STON2: variants seen among roughly 807,000 people sequenced by gnomAD.
STON2 encodes stonin-2.
Under a neutral mutation model 65.7 loss-of-function variants are expected in STON2, and 29 were observed. That is an observed-to-expected ratio of 0.44 (90% confidence interval 0.33 to 0.60). The LOEUF (loss-of-function observed/expected upper bound fraction) is 0.60, where lower values mean the gene tolerates loss of function less well. Among genes scored for constraint, STON2 ranks in the 20% least tolerant of loss-of-function variants. The pLI, the probability that STON2 is intolerant of heterozygous loss-of-function variation, is 0.03. For missense variants in STON2, 1,054 were observed against 1,118.1 expected (o/e 0.94, Z 0.82); for synonymous variants, 404 against 414.2 (o/e 0.98, Z 0.30).
intron 5 of STON2, among the ~76,000 whole-genome samples, chr14:81,315,049 T>C (rs895060041): frequency 2.0e-5 from 3 of 152,110 alleles, no homozygotes; most frequent in Non-Finnish European, 4.4e-5. Flanking sequence ...CTTTTCCTTC[T>C]CAGTAAACAA....
chr14:81,347,632 A>AC (rs1376061168), intron 4 of STON2, among the ~76,000 whole-genome samples: 2 of 150,074 alleles, frequency 1.3e-5, no homozygotes, highest in Non-Finnish European at 3.0e-5. Context: ...AAAAAAAAAA[A>AC]AAAAACCCTA....
At chr14:81,429,748 A>G (rs557437863) in intron 1 of STON2, among the ~76,000 whole-genome samples, 1 of 152,250 alleles carries the variant, frequency 6.6e-6, no homozygotes, top group East Asian at 1.9e-4. Context: ...AGCCTGGCCA[A>G]CATGGTGAAA....
At chr14:81,343,371 C>T (rs1368324720) in intron 4 of STON2, among the ~76,000 whole-genome samples, 1 of 152,142 alleles carries the variant, frequency 6.6e-6, no homozygotes, top group Non-Finnish European at 1.5e-5. Flanking sequence ...ACAAATCAGT[C>T]CTGGGGAGGG....
intron 7 of STON2, 66 bp downstream of exon 7, chr14:81,270,602 AAG>A (rs746898547): frequency 6.2e-7 from 1 of 1,613,840 alleles, no homozygotes; most frequent in Non-Finnish European, 8.5e-7. Context: ...TAAAAGGAAT[AAG>A]AGGGGGAGGG....
At chr14:81,311,063 G>C (rs1406109386) in intron 5 of STON2, among the ~76,000 whole-genome samples, 2 of 152,166 alleles carry the variant, frequency 1.3e-5, no homozygotes, top group Non-Finnish European at 2.9e-5. Flanking sequence ...TGAGCTAAAA[G>C]GCAAGTATAT....
chr14:81,422,087 G>A (rs1901731598), intron 2 of STON2, among the ~76,000 whole-genome samples: 1 of 152,214 alleles, frequency 6.6e-6, no homozygotes, highest in Non-Finnish European at 1.5e-5. Context: ...AAGATCAGGT[G>A]CTATGATTTG....
chr14:81,344,039 A>G (rs1343362059), intron 4 of STON2, among the ~76,000 whole-genome samples: 1 of 152,102 alleles, frequency 6.6e-6, no homozygotes, highest in African/African-American at 2.4e-5. Context: ...CCACTAGCTC[A>G]TGGCTCTTTC....
intron 5 of STON2, among the ~76,000 whole-genome samples, chr14:81,304,641 T>C (rs1333727065): frequency 6.6e-6 from 1 of 152,010 alleles, no homozygotes; most frequent in African/African-American, 2.4e-5. Flanking sequence ...GGCATGAGAA[T>C]TGCTTGAGCC....
chr14:81,415,753 T>C (rs1423027034), intron 2 of STON2, among the ~76,000 whole-genome samples: 1 of 152,096 alleles, frequency 6.6e-6, no homozygotes, highest in African/African-American at 2.4e-5. Context: ...TGGGTTTCTA[T>C]GTATATGATT....
intron 4 of STON2, among the ~76,000 whole-genome samples, chr14:81,348,136 G>A (rs1174745035): frequency 6.6e-6 from 1 of 151,846 alleles, no homozygotes; most frequent in Non-Finnish European, 1.5e-5. Flanking sequence ...CATAATAAAG[G>A]CCTTATGTGA....
intron 5 of STON2, among the ~76,000 whole-genome samples, chr14:81,308,367 C>T (rs1263151092): frequency 6.6e-6 from 1 of 152,118 alleles, no homozygotes; most frequent in Non-Finnish European, 1.5e-5. Context: ...CCATGCCTGG[C>T]TAATTTTTGT....
At chr14:81,270,067 A>G in intron 7 of STON2, 8 of 979,992 alleles carry the variant, frequency 8.2e-6, no homozygotes, top group Non-Finnish European at 9.7e-6. Flanking sequence ...CAAATGAATA[A>G]TAACAATTCC....
chr14:81,338,542 C>T (rs1279249272), intron 4 of STON2, among the ~76,000 whole-genome samples: 1 of 152,118 alleles, frequency 6.6e-6, no homozygotes, highest in Non-Finnish European at 1.5e-5. Flanking sequence ...ACCTCTCTAG[C>T]AAATTAAACT....
intron 3 of STON2, among the ~76,000 whole-genome samples, chr14:81,379,647 T>A (rs761535120): frequency 6.6e-6 from 1 of 152,088 alleles, no homozygotes; most frequent in African/African-American, 2.4e-5. Flanking sequence ...TAAAAACAGA[T>A]ACACAGACCA....
chr14:81,398,773 T>C (rs1900459567), intron 1 of STON2, among the ~76,000 whole-genome samples, 193 bp from the exon 2 acceptor site: 1 of 152,212 alleles, frequency 6.6e-6, no homozygotes. Flanking sequence ...TCAAGGTTTC[T>C]AGATAAGCCT....
At chr14:81,324,726 GA>G (rs1445915632) in intron 4 of STON2, among the ~76,000 whole-genome samples, 3 of 152,204 alleles carry the variant, frequency 2.0e-5, no homozygotes, top group African/African-American at 7.2e-5. Flanking sequence ...TAGGCATCTA[GA>G]AATCAAGATT....
intron 3 of STON2, among the ~76,000 whole-genome samples, chr14:81,392,111 T>C (rs1362819936): frequency 6.6e-6 from 1 of 152,086 alleles, no homozygotes; most frequent in African/African-American, 2.4e-5. Flanking sequence ...TTTAAGGCAA[T>C]ATGTTAAAAA....
At chr14:81,333,814 T>A (rs1255034607) in intron 4 of STON2, among the ~76,000 whole-genome samples, 2 of 152,236 alleles carry the variant, frequency 1.3e-5, no homozygotes, top group Non-Finnish European at 2.9e-5. Context: ...GTTATATTTT[T>A]CATTTTTGTC....
intron 4 of STON2, among the ~76,000 whole-genome samples, chr14:81,348,745 C>T (rs1465318783): frequency 1.3e-5 from 2 of 152,020 alleles, no homozygotes; most frequent in Non-Finnish European, 2.9e-5. Context: ...ATAGAAAAAA[C>T]GATCCTAAAA....
Sources: gnomAD v4.1 joint callset for allele counts (sites outside exome capture counted in the v4.1 genomes callset) on GRCh38, gnomAD v4.1.1 for gene constraint, MANE v1.5 for transcripts, NCBI Gene and HGNC (gene_info 2026-07-23, HGNC 2026-07-21) for gene names.